MMP11: variants seen among roughly 807,000 people sequenced by gnomAD.
The protein encoded by MMP11 is matrix metallopeptidase 11, also known as stromelysin-3.
MMP11 carries 26 observed loss-of-function variants against 49.5 expected under a neutral mutation model. That is an observed-to-expected ratio of 0.52 (90% CI 0.38 to 0.73). MMP11 has a LOEUF of 0.73. Among genes scored for constraint, MMP11 ranks in the 30% least tolerant of loss-of-function variants. The pLI, the probability that MMP11 is intolerant of heterozygous loss-of-function variation, is 0.00. For synonymous variants in MMP11, 265 were observed against 282.3 expected, an observed-to-expected ratio of 0.94 and a Z score of 0.62; for missense variants, 624 against 671.2, an observed-to-expected ratio of 0.93 and a Z score of 0.78.
At chr22:23,775,690 G>C (rs908817273) in intron 1 of MMP11, among the ~76,000 whole-genome samples, 1 of 152,222 alleles carries the variant, frequency 6.6e-6, no homozygotes, top group African/African-American at 2.4e-5. Context: ...TGCACAAGGC[G>C]CTTCTCTTTT....
Position 23,782,356 on chromosome 22 carries a change from C to G in MMP11, c.1206C>G (p.Phe402Leu). The change falls in exon 7 of 8, where the codon TTC (phenylalanine) becomes TTG (leucine). Residue 402 changes from phenylalanine (F) to leucine (L), a missense_variant. Transcript: ENST00000215743. ...GTCCCGAGAAGAACAAGATCTACTT[C>G]TTCCGAGGCAGGGACTACTGGCGTT... ...VWGPEKNKIY[F>L]FRGRDYWRFH... 1 of 1,614,074 alleles carries G rather than the reference C, an allele frequency of 6.2e-7. No individual in the cohort carries two copies. Among genetic ancestry groups the G allele is most frequent in the Non-Finnish European group, 8.5e-7 (1 of 1,180,026 alleles).
chr22:23,778,755 T>A (rs1024744494), intron 1 of MMP11, among the ~76,000 whole-genome samples: 1 of 152,140 alleles, frequency 6.6e-6, no homozygotes, highest in African/African-American at 2.4e-5. Context: ...CCCAGGTGTG[T>A]CTGAACTTAG....
intron 1 of MMP11, 85 bp downstream of exon 1, chr22:23,773,063 G>A (rs1182239177): frequency 9.1e-7 from 1 of 1,096,714 alleles, no homozygotes; most frequent in East Asian, 5.5e-5. Context: ...CCGGACCGAA[G>A]GGGGCGCCCC....
rs1401801969 is a variant in MMP11 at position 23,783,577 on chromosome 22, C to T, written c.*33C>T. On this transcript the variant is annotated 3_prime_UTR_variant, in exon 8 of 8. Coordinates refer to ENST00000215743, the MANE Select transcript of MMP11 (RefSeq NM_005940.5). ...TTGGATGCCCTCAGGGGTGCTGACCCCTGCCAGGCCACGAATATCAGGCTA... is the reference window on the plus strand; with the variant it reads ...TTGGATGCCCTCAGGGGTGCTGACCTCTGCCAGGCCACGAATATCAGGCTA... 26 of 1,611,238 alleles carry T rather than the reference C, an allele frequency of 1.6e-5. No individual in the cohort carries two copies. Among genetic ancestry groups the T allele is most frequent in the Non-Finnish European group, 1.8e-5 (21 of 1,177,696 alleles).
At chr22:23,781,596 GC>G in intron 6 of MMP11, 187 bp downstream of exon 6, 1 of 643,910 alleles carries the variant, frequency 1.6e-6, no homozygotes, top group East Asian at 2.7e-5. Context: ...CTCGGAGGTG[GC>G]TCTTGAGATA....
chr22:23,782,393 A>T lies in MMP11; in HGVS notation c.1243A>T (p.Thr415Ser). Residue 415 changes from threonine to serine, a missense_variant, in exon 7 of 8, where the codon ACC becomes TCC. Physicochemically the swap from Thr to Ser is moderately conservative, Grantham distance 58. Coordinates refer to ENST00000215743, the MANE Select transcript of MMP11 (RefSeq NM_005940.5). ...GRDYWRFHPSTRRVDSPVPRR... is the reference protein window; with the variant it reads ...GRDYWRFHPSSRRVDSPVPRR... ...GGACTACTGGCGTTTCCACCCCAGC[A>T]CCCGGCGTGTAGACAGTCCCGTGCC... 6.2e-7 allele frequency: 1 copy of T among 1,613,710 alleles called. No homozygotes were observed. Among genetic ancestry groups the T allele is most frequent in the East Asian group, 2.2e-5 (1 of 44,886 alleles).
chr22:23,779,265 C>T lies in MMP11; in HGVS notation c.187C>T (p.Pro63Ser), dbSNP rs750861993. Residue 63 changes from proline (P) to serine (S), a missense_variant, in exon 2 of 8, where the codon CCT (proline) becomes TCT (serine). By Grantham distance (74) the Pro-to-Ser change is moderately conservative. Coordinates refer to ENST00000215743, the MANE Select transcript of MMP11 (RefSeq NM_005940.5). The stretch of plus-strand genomic sequence containing the variant: ...CCTGCCCAGTAGCCCGGCACCTGCC[C>T]CTGCCACGCAGGAAGCCCCCCGGCC... ...AALPSSPAPAPATQEAPRPAS... is the reference protein window; with the variant it reads ...AALPSSPAPASATQEAPRPAS... 8 of 1,609,826 alleles carry T rather than the reference C, an allele frequency of 5.0e-6. No homozygotes were observed. The East Asian group carries it at 1.8e-4, about 36-fold the overall frequency.
chr22:23,780,823 AGGTTCGGG>A lies in MMP11; in HGVS notation c.617-31_617-24del. 3.1e-6 allele frequency: 5 copies of A among 1,595,326 alleles called. No homozygotes were observed. The highest frequency in any genetic ancestry group is 4.3e-6 in the Non-Finnish European group (5 of 1,170,136). On this transcript the variant is annotated intron_variant, in intron 4 of 7. Transcript: ENST00000215743. The surrounding 1 kb of genome is among the most constrained non-coding windows in gnomAD (Gnocchi z 4.6). ...TCTGGAGCTGGATGTCCTGGGCAGG[AGGTTCGGG>A]GGTTGCTGAGCCACCTCCCTTTTTC...
Position 23,780,795 on chromosome 22 carries a change from G to A in MMP11, c.617-64G>A. ...GGGACTCGCCAAGGTCACTGAGCTG[G>A]GGTCTGGAGCTGGATGTCCTGGGCA... is the stretch of plus-strand genomic sequence containing the variant. On this transcript the variant is annotated intron_variant, in intron 4 of 7. Transcript: ENST00000215743. The surrounding 1 kb of genome is among the most constrained non-coding windows in gnomAD (Gnocchi z 4.6). 1 of 1,573,316 alleles carries A rather than the reference G, an allele frequency of 6.4e-7. No homozygotes were observed.
intron 7 of MMP11, 56 bp downstream of exon 7, chr22:23,782,539 C>A (rs1927678210): frequency 6.5e-7 from 1 of 1,538,098 alleles, no homozygotes; most frequent in Non-Finnish European, 8.7e-7. Flanking sequence ...GCTTCTCCCA[C>A]CTGGTGGTGG....
Position 23,781,057 on chromosome 22 carries a change from GC to G in MMP11, c.820del (p.Gln274ArgfsTer4). 1 of 1,610,746 alleles carries G rather than the reference GC, an allele frequency of 6.2e-7. No individual in the cohort carries two copies. ...GTCACCTCCAGGACCCCAGCCCTGG[GC>G]CCCCAGGCTGGGATAGACACCAATG... Reference protein sequence around the residue: ...PTVTSRTPALGPQAGIDTNEI... With the variant: ...PTVTSRTPALXPQAGIDTNEI... On this transcript the variant is annotated frameshift_variant, in exon 5 of 8. Transcript: ENST00000215743. LOFTEE classifies it high-confidence loss of function.
In MMP11 at chr22:23,780,356, CA is replaced by C. The variant is rs1331197183; in HGVS notation, c.339-2del. 6.2e-7 allele frequency: 1 copy of C among 1,612,674 alleles called. No homozygotes were observed. The highest frequency in any genetic ancestry group is 2.2e-5 in the East Asian group (1 of 44,884). On this transcript the variant is annotated splice_acceptor_variant, in intron 2 of 7. Transcript: ENST00000215743. LOFTEE classifies it high-confidence loss of function. This position sits in a 1 kb window ranked among gnomAD's most constrained non-coding sequence, Gnocchi z 4.6. ...AGGCCCAGGCCCCTCCATCTCCCTCCAGGATCCTTCGGTTCCCATGGCAGTT... is the reference window on the plus strand; with the variant it reads ...AGGCCCAGGCCCCTCCATCTCCCTCCGGATCCTTCGGTTCCCATGGCAGTT...
In MMP11 at chr22:23,780,560, C is replaced by T. The variant is rs1251168507; in HGVS notation, c.483-22C>T. The T allele has an allele frequency of 2.1e-5, 34 of 1,611,098 alleles. No homozygotes were observed. The highest frequency in any genetic ancestry group is 2.8e-5 in the Non-Finnish European group (33 of 1,178,540). ...AGCCTCGCCTGCCAGCAGCCACTGA[C>T]CCCGCCCCCACCCATCTGTAGGTAC... is the stretch of plus-strand genomic sequence containing the variant. On this transcript the variant is annotated intron_variant, in intron 3 of 7. Transcript: ENST00000215743. The surrounding 1 kb of genome is among the most constrained non-coding windows in gnomAD (Gnocchi z 4.6).
Position 23,783,420 on chromosome 22 carries a change from A to G in MMP11, c.1343A>G (p.Tyr448Cys). The change falls in exon 8 of 8, where the codon TAC becomes TGC. Residue 448 changes from tyrosine to cysteine, a missense_variant. Tyr to Cys is a radical substitution (Grantham distance 194). Coordinates refer to ENST00000215743, the MANE Select transcript of MMP11 (RefSeq NM_005940.5). ...CACCTTCTCTTCTCAGGCTATGCCTACTTCCTGCGCGGCCGCCTCTACTGG... is the reference window on the plus strand; with the variant it reads ...CACCTTCTCTTCTCAGGCTATGCCTGCTTCCTGCGCGGCCGCCTCTACTGG... ...AAFQDADGYA[Y>C]FLRGRLYWKF... 1 of 1,614,138 alleles carries G rather than the reference A, an allele frequency of 6.2e-7. No homozygotes were observed.
At position 23,784,133 on chromosome 22, in the gene MMP11, A is replaced by C. The variant is rs1400984366; in HGVS notation, c.*589A>C. On this transcript the variant is annotated 3_prime_UTR_variant, in exon 8 of 8. Transcript: ENST00000215743. ...TGGGGAGGGGTATTCTTCATGCAGG[A>C]GACCCCAGGCCCTGGAGGCTGCAAC... 6.3e-6 allele frequency: 1 copy of C among 158,912 alleles called. No homozygotes were observed. The highest frequency in any genetic ancestry group is 1.8e-4 in the East Asian group (1 of 5,546). 9.8% of individuals were successfully genotyped at this position (158,912 alleles called of 1,614,324 possible).
At chr22:23,778,259 G>C (rs1927486884) in intron 1 of MMP11, among the ~76,000 whole-genome samples, 1 of 152,214 alleles carries the variant, frequency 6.6e-6, no homozygotes, top group Admixed American at 6.5e-5. Context: ...ACTTTGCAGG[G>C]TCTCCAACCT....
At position 23,781,940 on chromosome 22, in the gene MMP11, GTCACA is replaced by G. The variant is rs1185804576; in HGVS notation, c.1076-285_1076-281del. 2.8e-5 allele frequency: 19 copies of G among 674,826 alleles called. No individual in the cohort carries two copies. The African/African-American group carries it at 3.2e-4, about 11-fold the overall frequency. The allele number at this position is 674,826 out of a possible 1,614,324, so 41.8% of individuals were successfully genotyped here. ...CCCAGGGAGTGGTCAGTAGGCATTT[GTCACA>G]GCCAAATGCCAGTGGAAGGAGCAGC... On this transcript the variant is annotated intron_variant, in intron 6 of 7. Coordinates refer to ENST00000215743, the MANE Select transcript of MMP11 (RefSeq NM_005940.5).
chr22:23,776,499 G>C (rs550704280), intron 1 of MMP11, among the ~76,000 whole-genome samples: 1 of 152,332 alleles, frequency 6.6e-6, no homozygotes, highest in Non-Finnish European at 1.5e-5. Context: ...AAATGCCCGG[G>C]AAATAGCAGG....
At chr22:23,781,989 C>T (rs1927651934) in intron 6 of MMP11, 9 of 684,086 alleles carry the variant, frequency 1.3e-5, no homozygotes, top group South Asian at 1.0e-4. Flanking sequence ...CAGCCCTCTA[C>T]TGATGAGAGT....
Sources: gnomAD v4.1 joint callset for allele counts (sites outside exome capture counted in the v4.1 genomes callset) on GRCh38, gnomAD v4.1.1 for gene constraint, Gnocchi (gnomAD v3.1) non-coding constraint, MANE v1.5 for transcripts, NCBI Gene and HGNC (gene_info 2026-07-23, HGNC 2026-07-21) for gene names.